PDE4B: variants seen among roughly 807,000 people sequenced by gnomAD.
PDE4B encodes the protein 3',5'-cyclic-AMP phosphodiesterase 4B.
In PDE4B, 20 loss-of-function variants were observed where a neutral mutation model predicts 82.2. That is an observed-to-expected ratio of 0.24 (90% CI 0.17 to 0.35). The LOEUF (loss-of-function observed/expected upper bound fraction) is 0.35, where lower values mean the gene tolerates loss of function less well. PDE4B is among the 10% of genes least tolerant of loss of function. PDE4B has a pLI of 1.00. For missense variants in PDE4B, 655 were observed against 907.2 expected (o/e 0.72, Z 3.57); for synonymous variants, 320 against 318.9 (o/e 1.00, Z -0.04).
intron 3 of PDE4B, among the ~76,000 whole-genome samples, chr1:65,987,796 T>A (rs1023126622): frequency 8.5e-5 from 13 of 152,220 alleles, no homozygotes; most frequent in African/African-American, 3.1e-4. Context: ...TATTTTTTAG[T>A]AGAGGCGGGG....
chr1:66,198,759 C>A (rs539692566), intron 3 of PDE4B, among the ~76,000 whole-genome samples: 2 of 152,114 alleles, frequency 1.3e-5, no homozygotes, highest in East Asian at 1.9e-4. Context: ...ATCCCTCCCC[C>A]TTCCCCCCAC....
At chr1:66,055,972 A>G (rs1336365959) in intron 3 of PDE4B, among the ~76,000 whole-genome samples, 1 of 152,220 alleles carries the variant, frequency 6.6e-6, no homozygotes, top group Non-Finnish European at 1.5e-5. Context: ...AAATACCAAT[A>G]TGTGTAATAT....
chr1:66,353,744 AATGAC>A (rs1252336201), intron 8 of PDE4B, among the ~76,000 whole-genome samples: 1 of 152,156 alleles, frequency 6.6e-6, no homozygotes, highest in Non-Finnish European at 1.5e-5. Flanking sequence ...GCAGGGAAGG[AATGAC>A]TTTCTCAACA....
At chr1:65,946,714 A>G (rs1648732363) in intron 3 of PDE4B, among the ~76,000 whole-genome samples, 1 of 152,004 alleles carries the variant, frequency 6.6e-6, no homozygotes, top group Non-Finnish European at 1.5e-5. Flanking sequence ...AATTAATTCC[A>G]GTACTATAGG....
At chr1:66,236,376 T>C (rs1652454384) in intron 3 of PDE4B, among the ~76,000 whole-genome samples, 1 of 152,166 alleles carries the variant, frequency 6.6e-6, no homozygotes, top group South Asian at 2.1e-4. Context: ...CACAGTAGAT[T>C]GTTATTATGT....
At chr1:66,316,751 C>T (rs774807400) in intron 7 of PDE4B, among the ~76,000 whole-genome samples, 2 of 152,242 alleles carry the variant, frequency 1.3e-5, no homozygotes, top group Non-Finnish European at 2.9e-5. Context: ...AAAGTAAGCA[C>T]AGCTGATAGC....
chr1:66,226,242 T>G (rs1346316450), intron 3 of PDE4B, among the ~76,000 whole-genome samples: 2 of 152,198 alleles, frequency 1.3e-5, no homozygotes, highest in Admixed American at 1.3e-4. Flanking sequence ...ATATCTTTGT[T>G]GAGGGTCTTC....
At chr1:65,794,068 T>C (rs912665845) in intron 1 of PDE4B, among the ~76,000 whole-genome samples, 14 of 152,216 alleles carry the variant, frequency 9.2e-5, no homozygotes, top group Non-Finnish European at 1.6e-4. Flanking sequence ...TGTCTGTGTG[T>C]GTCACACACG....
At chr1:66,103,728 T>C (rs1479050947) in intron 3 of PDE4B, among the ~76,000 whole-genome samples, 1 of 152,024 alleles carries the variant, frequency 6.6e-6, no homozygotes, top group Admixed American at 6.6e-5. Context: ...TCTAGAGATT[T>C]CCCCCTGTGC....
chr1:65,900,917 C>CT (rs1646964795), intron 1 of PDE4B, among the ~76,000 whole-genome samples: 1 of 152,050 alleles, frequency 6.6e-6, no homozygotes. Flanking sequence ...GACAATTTGA[C>CT]TTTTTTTCCT....
At chr1:65,925,624 G>A (rs1557436627) in intron 3 of PDE4B, among the ~76,000 whole-genome samples, 2 of 151,934 alleles carry the variant, frequency 1.3e-5, no homozygotes, top group Non-Finnish European at 2.9e-5. Context: ...GTAATATTTT[G>A]CATTTGACTT....
intron 1 of PDE4B, among the ~76,000 whole-genome samples, chr1:65,901,508 T>G (rs6588174): frequency 0.44 from 66,312 of 151,874 alleles, 15,639 homozygotes; most frequent in South Asian, 0.67. Context: ...GTAAAATTTG[T>G]CTGTGAGTCC....
chr1:66,289,316 G>T (rs1303353236), intron 7 of PDE4B, among the ~76,000 whole-genome samples: 2 of 152,064 alleles, frequency 1.3e-5, no homozygotes, highest in Non-Finnish European at 2.9e-5. Flanking sequence ...TGGACCAGGA[G>T]GGAGAGACAG....
intron 3 of PDE4B, among the ~76,000 whole-genome samples, chr1:66,173,084 A>AGAT (rs1179514572): frequency 6.6e-6 from 1 of 152,232 alleles, no homozygotes; most frequent in African/African-American, 2.4e-5. Flanking sequence ...CACCTGTATC[A>AGAT]GATTGGGGGT....
chr1:66,257,999 A>T, intron 6 of PDE4B, 136 bp downstream of exon 6: 1 of 633,260 alleles, frequency 1.6e-6, no homozygotes, highest in Non-Finnish European at 2.8e-6. Flanking sequence ...AAAATTTGAA[A>T]ACAGGATGGA....
intron 3 of PDE4B, chr1:66,152,439 C>G (rs1646415207): frequency 4.2e-6 from 1 of 238,474 alleles, no homozygotes; most frequent in Non-Finnish European, 9.5e-6. Flanking sequence ...GTGGCAGCAG[C>G]AGCACACCAC....
At chr1:66,131,477 A>G (rs940423665) in intron 3 of PDE4B, among the ~76,000 whole-genome samples, 3 of 150,554 alleles carry the variant, frequency 2.0e-5, no homozygotes, top group Non-Finnish European at 4.4e-5. Flanking sequence ...ATGGCTGTAC[A>G]TAAGAGAGAA....
chr1:66,073,979 C>T (rs1052098488), intron 3 of PDE4B, among the ~76,000 whole-genome samples: 4 of 152,078 alleles, frequency 2.6e-5, no homozygotes, highest in African/African-American at 9.7e-5. Flanking sequence ...GCTTTAATGT[C>T]GAGTGCAGTG....
chr1:66,151,325 T>C (rs563914874), intron 3 of PDE4B, among the ~76,000 whole-genome samples: 17 of 152,320 alleles, frequency 1.1e-4, no homozygotes, highest in African/African-American at 4.1e-4. Flanking sequence ...CTCATTAGTC[T>C]GGTTAATGGC....
Sources: gnomAD v4.1 joint callset for allele counts (sites outside exome capture counted in the v4.1 genomes callset) on GRCh38, gnomAD v4.1.1 for gene constraint, MANE v1.5 for transcripts, NCBI Gene and HGNC (gene_info 2026-07-23, HGNC 2026-07-21) for gene names.